Variants in SHANK1 observed in about 807,000 individuals in gnomAD.
The protein encoded by SHANK1 is SH3 and multiple ankyrin repeat domains 1.
A neutral mutation model predicts 165.6 loss-of-function variants in SHANK1; 35 were observed. That is an observed-to-expected ratio of 0.21 (90% CI 0.16 to 0.28). The LOEUF is 0.28. Ranked by LOEUF, SHANK1 falls within the 10% of genes least tolerant of loss-of-function variation. The pLI is 1.00. For synonymous variants in SHANK1, 1,428 were observed against 1,384.8 expected (o/e 1.03, Z -0.69); for missense variants, 2,681 against 3,036.4 (o/e 0.88, Z 2.75).
chr19:50,700,259 G>A (rs1986875242), intron 12 of SHANK1, among the ~76,000 whole-genome samples: 1 of 147,056 alleles, frequency 6.8e-6, no homozygotes, highest in South Asian at 2.2e-4. Context: ...AGGGCTCGGG[G>A]CATTGGGAGA....
intron 12 of SHANK1, among the ~76,000 whole-genome samples, chr19:50,699,479 G>A (rs1467026952): frequency 6.6e-6 from 1 of 152,168 alleles, no homozygotes; most frequent in East Asian, 1.9e-4. Flanking sequence ...GGTCCAGGGA[G>A]GTGTCCCTGA....
At chr19:50,699,675 G>T (rs567276175) in intron 12 of SHANK1, among the ~76,000 whole-genome samples, 4 of 152,264 alleles carry the variant, frequency 2.6e-5, no homozygotes, top group African/African-American at 9.6e-5. Flanking sequence ...TCAGGGCATT[G>T]GGGGATTGGA....
intron 8 of SHANK1, among the ~76,000 whole-genome samples, chr19:50,706,279 C>T (rs901440359): frequency 5.9e-5 from 9 of 152,066 alleles, no homozygotes; most frequent in Non-Finnish European, 1.0e-4. Flanking sequence ...TCTGCCAGGC[C>T]CAGAAGGAAG....
Position 50,662,464 on chromosome 19 carries a change from C to G in SHANK1, c.5987G>C (p.Arg1996Pro). 6.5e-7 allele frequency: 1 copy of G among 1,548,540 alleles called. No individual in the cohort carries two copies. Among genetic ancestry groups the G allele is most frequent in the Non-Finnish European group, 8.7e-7 (1 of 1,147,066 alleles). ...VEFEMRPPLL[R>P]RAPSPSLLPA... ...CAGCAGCGAGGGGCTGGGGGCCCGG[C>G]GGAGCAGAGGGGGCCGCATCTCGAA... The change falls in exon 24 of 24, where the codon CGC (arginine) becomes CCC (proline). Residue 1996 changes from arginine to proline, a missense_variant. Coordinates refer to ENST00000293441, the MANE Select transcript of SHANK1 (RefSeq NM_016148.5). This position sits in a 1 kb window ranked among gnomAD's most constrained non-coding sequence, Gnocchi z 7.7.
intron 8 of SHANK1, among the ~76,000 whole-genome samples, chr19:50,706,823 G>C (rs958111175): frequency 1.3e-5 from 2 of 151,682 alleles, no homozygotes; most frequent in South Asian, 4.2e-4. Context: ...TGTCACCCAG[G>C]CTGGAGTGCA....
chr19:50,693,385 C>G (rs1265225792), intron 15 of SHANK1, among the ~76,000 whole-genome samples: 1 of 151,648 alleles, frequency 6.6e-6, no homozygotes, highest in Non-Finnish European at 1.5e-5. Context: ...CCCCCTTGCC[C>G]CCCATCTTGG....
intron 4 of SHANK1, among the ~76,000 whole-genome samples, chr19:50,714,888 A>ACTCACAG (rs1283768507): frequency 8.5e-5 from 13 of 152,162 alleles, no homozygotes; most frequent in Non-Finnish European, 1.8e-4. Flanking sequence ...TGTATTTCAC[A>ACTCACAG]CTCACAGCGA....
chr19:50,704,332 C>T, intron 9 of SHANK1, 105 bp downstream of exon 9: 3 of 1,334,806 alleles, frequency 2.2e-6, no homozygotes, highest in Non-Finnish European at 3.2e-6. Context: ...CCCTCCACGG[C>T]CTGTCTCCTT....
Position 50,672,040 on chromosome 19 carries a change from C to G in SHANK1, c.2652G>C (p.Leu884Phe). The change falls in exon 22 of 24, where the codon TTG becomes TTC. Residue 884 changes from leucine (L) to phenylalanine (F), a missense_variant. This residue lies in a region of SHANK1 where 206 missense variants were observed against 216.0 expected (regional missense o/e 0.95). Transcript: ENST00000293441. The part of the protein sequence containing the change: ...RPSFLPPGPG[L>F]MLRQKSIGAA... ...TACCGATAGATTTTTGCCGGAGCAT[C>G]AACCCAGGTCCTGGAGGCAGGAAAG... 1 of 1,613,760 alleles carries G rather than the reference C, an allele frequency of 6.2e-7. No individual in the cohort carries two copies. Among genetic ancestry groups the G allele is most frequent in the Non-Finnish European group, 8.5e-7 (1 of 1,179,862 alleles).
chr19:50,687,517 G>A, intron 19 of SHANK1, 65 bp downstream of exon 19: 1 of 1,294,374 alleles, frequency 7.7e-7, no homozygotes, highest in Admixed American at 2.6e-5. Context: ...CGAACTCAAG[G>A]GATGGTCCAG....
At position 50,717,253 on chromosome 19, in the gene SHANK1, C is replaced by G. The variant is rs748088625; in HGVS notation, c.-43-291G>C. 6.6e-6 allele frequency among the ~76,000 whole-genome samples: 1 copy of G among 152,210 alleles called. No individual in the cohort carries two copies. The highest frequency in any genetic ancestry group is 1.5e-5 in the Non-Finnish European group (1 of 68,028). On this transcript the variant is annotated intron_variant, in intron 1 of 23. Coordinates refer to ENST00000293441, the MANE Select transcript of SHANK1 (RefSeq NM_016148.5). The surrounding 1 kb of genome is among the most constrained non-coding windows in gnomAD (Gnocchi z 5.5). ...CACTTTGCTGGTGACCCAGCGTGGCCGTGTCCCAGAAACCGCAGAATCACC... is the reference window on the plus strand; with the variant it reads ...CACTTTGCTGGTGACCCAGCGTGGCGGTGTCCCAGAAACCGCAGAATCACC...
In SHANK1 at chr19:50,667,873, C is replaced by A; in HGVS notation, c.4087G>T (p.Ala1363Ser). The change falls in exon 23 of 24, where the codon GCG (alanine) becomes TCG (serine). Residue 1363 changes from alanine to serine, a missense_variant. Ala to Ser is a moderately conservative substitution (Grantham distance 99). Coordinates refer to ENST00000293441, the MANE Select transcript of SHANK1 (RefSeq NM_016148.5). This position sits in a 1 kb window ranked among gnomAD's most constrained non-coding sequence, Gnocchi z 5.7. ...CCGCCCTCCGAGGACTCCTTCAGCG[C>A]TCGCTCGCGGGCGGCCAGGGCCAGC... ...LGLALAARER[A>S]LKESSEGGGA... 6 of 1,316,496 alleles carry A rather than the reference C, an allele frequency of 4.6e-6. No homozygotes were observed. The highest frequency in any genetic ancestry group is 5.8e-6 in the Non-Finnish European group (6 of 1,036,950). The allele number at this position is 1,316,496 out of a possible 1,614,324, so 81.6% of individuals were successfully genotyped here.
rs1248238179 is a variant in SHANK1 at position 50,666,049 on chromosome 19, T to C, written c.5768+143A>G. On this transcript the variant is annotated intron_variant, in intron 23 of 23. Coordinates refer to ENST00000293441, the MANE Select transcript of SHANK1 (RefSeq NM_016148.5). ...GAAAAAAAAAAAAAGAAAAAGAAAA[T>C]ATTTGTGAAAGCATGCTTCTGTGAC... 15 of 687,706 alleles carry C rather than the reference T, an allele frequency of 2.2e-5. 1 individual carries two copies. The South Asian group carries it at 3.4e-4, about 15-fold the overall frequency. The allele number at this position is 687,706 out of a possible 1,614,324, so 42.6% of individuals were successfully genotyped here.
At chr19:50,707,214 A>G (rs2088950124) in intron 8 of SHANK1, among the ~76,000 whole-genome samples, 1 of 152,060 alleles carries the variant, frequency 6.6e-6, no homozygotes, top group African/African-American at 2.4e-5. Flanking sequence ...CTTCTCCTCT[A>G]CACCATAAGT....
chr19:50,670,488 T>C lies in SHANK1; in HGVS notation c.2675-1203A>G, dbSNP rs1985749994. On this transcript the variant is annotated intron_variant, in intron 22 of 23. Coordinates refer to ENST00000293441, the MANE Select transcript of SHANK1 (RefSeq NM_016148.5). This position sits in a 1 kb window ranked among gnomAD's most constrained non-coding sequence, Gnocchi z 4.1. ...CCCTTCACAGCAGCCAGAGGGTTTCTGTTAAAACCGAAGTCAGCTCATGTC... is the reference window on the plus strand; with the variant it reads ...CCCTTCACAGCAGCCAGAGGGTTTCCGTTAAAACCGAAGTCAGCTCATGTC... Among the ~76,000 whole-genome samples, 1 of 152,186 alleles carries C rather than the reference T, an allele frequency of 6.6e-6. No individual in the cohort carries two copies. The highest frequency in any genetic ancestry group is 2.1e-4 in the South Asian group (1 of 4,832).
At chr19:50,687,880 C>T (rs753318475) in intron 18 of SHANK1, 43 bp downstream of exon 18, 2 of 1,611,990 alleles carry the variant, frequency 1.2e-6, no homozygotes, top group Non-Finnish European at 1.7e-6. Context: ...CAGGGCTGAG[C>T]CTGGTGGCAG....
Position 50,716,526 on chromosome 19 carries a change from G to A in SHANK1, c.256-48C>T, listed in dbSNP as rs752441775. 1.2e-6 allele frequency: 2 copies of A among 1,604,064 alleles called. No homozygotes were observed. The highest frequency in any genetic ancestry group is 1.7e-6 in the Non-Finnish European group (2 of 1,173,152). ...CTAGGGTGGGCCAGGGGCCAGAGGA[G>A]AGCCTGAGGTGGGTTGGGAAGTGAG... On this transcript the variant is annotated intron_variant, in intron 2 of 23. Coordinates refer to ENST00000293441, the MANE Select transcript of SHANK1 (RefSeq NM_016148.5). The surrounding 1 kb of genome is among the most constrained non-coding windows in gnomAD (Gnocchi z 8.4).
chr19:50,719,093 G>T, intron 1 of SHANK1, among the ~76,000 whole-genome samples: 1 of 151,592 alleles, frequency 6.6e-6, no homozygotes, highest in East Asian at 2.0e-4. Flanking sequence ...GGGCTGGGCG[G>T]GGAGGCGGGT....
chr19:50,711,564 C>T, intron 7 of SHANK1, 77 bp from the exon 8 acceptor site: 1 of 1,035,748 alleles, frequency 9.7e-7, no homozygotes, highest in Non-Finnish European at 1.4e-6. Context: ...TGTCTATGAC[C>T]TGTGCACTGG....
Sources: allele counts gnomAD v4.1 joint callset (sites outside exome capture counted in the v4.1 genomes callset), GRCh38; gene constraint gnomAD v4.1.1; regional missense constraint gnomAD v4.1.1; non-coding constraint Gnocchi (gnomAD v3.1); transcripts MANE v1.5; gene names NCBI Gene and HGNC (gene_info 2026-07-23, HGNC 2026-07-21).